The following GRM1 variants were observed in gnomAD, a reference collection of about 807,000 sequenced individuals.
GRM1 encodes metabotropic glutamate receptor 1.
Under a neutral mutation model 90.9 loss-of-function variants are expected in GRM1, and 33 were observed. The ratio of observed to expected loss-of-function variants is 0.36; its 90% CI spans 0.28 to 0.49. The LOEUF is 0.49. Ranked by LOEUF, GRM1 falls within the 20% of genes least tolerant of loss-of-function variation. GRM1 has a pLI of 0.99. For synonymous variants in GRM1, 700 were observed against 613.2 expected, an observed-to-expected ratio of 1.14 and a Z score of -2.09; for missense variants, 1,190 against 1,534.3, an observed-to-expected ratio of 0.78 and a Z score of 3.75.
At chr6:146,230,687 T>A (rs1190951656) in intron 2 of GRM1, among the ~76,000 whole-genome samples, 1 of 152,126 alleles carries the variant, frequency 6.6e-6, no homozygotes, top group Non-Finnish European at 1.5e-5. Flanking sequence ...GAGTTGAAAA[T>A]TTATATCCAC....
At chr6:146,366,022 C>T (rs1236997745) in intron 5 of GRM1, among the ~76,000 whole-genome samples, 2 of 152,066 alleles carry the variant, frequency 1.3e-5, no homozygotes, top group African/African-American at 2.4e-5. Context: ...TTTCCAAAGC[C>T]TTTTTTTGTA....
chr6:146,147,402 G>A (rs938625487), intron 1 of GRM1, among the ~76,000 whole-genome samples: 5 of 152,144 alleles, frequency 3.3e-5, no homozygotes, highest in Admixed American at 1.3e-4. Context: ...ATAAGGCGAC[G>A]AAGTTGTGGT....
At chr6:146,116,784 G>A (rs970879368) in intron 1 of GRM1, among the ~76,000 whole-genome samples, 1 of 151,906 alleles carries the variant, frequency 6.6e-6, no homozygotes, top group African/African-American at 2.4e-5. Context: ...GTGATCTGTG[G>A]TCACTAATCT....
At chr6:146,068,192 C>T (rs1249732024) in intron 1 of GRM1, among the ~76,000 whole-genome samples, 3 of 151,452 alleles carry the variant, frequency 2.0e-5, no homozygotes, top group Non-Finnish European at 4.4e-5. Flanking sequence ...GCTCACTCTG[C>T]AAGCTCCACC....
At chr6:146,145,796 G>A (rs1308519819) in intron 1 of GRM1, among the ~76,000 whole-genome samples, 1 of 152,140 alleles carries the variant, frequency 6.6e-6, no homozygotes, top group Admixed American at 6.5e-5. Flanking sequence ...CCATGAGAGT[G>A]GGACTGCCAC....
At chr6:146,198,230 T>A (rs183237775) in intron 2 of GRM1, among the ~76,000 whole-genome samples, 1 of 152,210 alleles carries the variant, frequency 6.6e-6, no homozygotes, top group African/African-American at 2.4e-5. Context: ...ACATCCAGCA[T>A]AGCAGCTGAG....
At chr6:146,215,692 G>A (rs1779846107) in intron 2 of GRM1, among the ~76,000 whole-genome samples, 2 of 151,070 alleles carry the variant, frequency 1.3e-5, no homozygotes, top group Non-Finnish European at 2.9e-5. Context: ...TTATTTCACA[G>A]CACATGCCTG....
At chr6:146,060,698 C>A (rs554312668) in intron 1 of GRM1, among the ~76,000 whole-genome samples, 1 of 152,164 alleles carries the variant, frequency 6.6e-6, no homozygotes, top group South Asian at 2.1e-4. Context: ...GTGAATAGAA[C>A]TGTAATAAAC....
chr6:146,341,467 G>A (rs1784978442), intron 3 of GRM1, among the ~76,000 whole-genome samples: 1 of 152,098 alleles, frequency 6.6e-6, no homozygotes, highest in South Asian at 2.1e-4. Context: ...AATAAGTGTA[G>A]ACAAATAAGC....
intron 2 of GRM1, among the ~76,000 whole-genome samples, chr6:146,242,977 C>T (rs1360572277): frequency 2.0e-5 from 3 of 152,136 alleles, no homozygotes; most frequent in East Asian, 3.9e-4. Context: ...AAGCTATAAC[C>T]CATGTACTTC....
At chr6:146,147,825 A>G (rs1668240044) in intron 1 of GRM1, among the ~76,000 whole-genome samples, 1 of 152,192 alleles carries the variant, frequency 6.6e-6, no homozygotes. Flanking sequence ...GCAGAGGCTC[A>G]TAGATCAATA....
At chr6:146,234,408 T>G (rs1780560704) in intron 2 of GRM1, among the ~76,000 whole-genome samples, 1 of 152,080 alleles carries the variant, frequency 6.6e-6, no homozygotes. Context: ...TTTCTATTTC[T>G]CTTATTTCTT....
intron 1 of GRM1, among the ~76,000 whole-genome samples, chr6:146,118,091 A>T (rs1255654913): frequency 6.7e-6 from 1 of 149,372 alleles, no homozygotes; most frequent in Non-Finnish European, 1.5e-5. Flanking sequence ...GTCTTTATAT[A>T]TCTGACATAC....
upstream of GRM1, among the ~76,000 whole-genome samples, chr6:146,028,329 G>C (rs981524782): frequency 1.3e-5 from 2 of 151,458 alleles, no homozygotes; most frequent in African/African-American, 4.9e-5. Flanking sequence ...GCGGGTCAGG[G>C]AATTGCAACT....
chr6:146,398,083 T>A (rs936496894), intron 6 of GRM1, among the ~76,000 whole-genome samples: 2 of 152,210 alleles, frequency 1.3e-5, no homozygotes, highest in African/African-American at 4.8e-5. Flanking sequence ...CAAATTCTAG[T>A]CTTTCCTTTC....
intron 1 of GRM1, among the ~76,000 whole-genome samples, chr6:146,047,766 T>C (rs955911945): frequency 7.9e-5 from 12 of 152,038 alleles, no homozygotes; most frequent in African/African-American, 2.9e-4. Flanking sequence ...GTGGAGAATT[T>C]AGTTTGAAAC....
rs932054515 is a variant in GRM1, at chr6:146,357,646, A to T, written c.1554A>T (p.Gly518=). ...DDYKIQMNKS[G]VVRSVCSEPC... is the part of the protein sequence containing the mutation. Reference sequence around the variant, plus strand: ...ACAAAATCCAGATGAACAAGAGTGGAGTGGTGCGGTCTGTGTGCAGTGAGC... The same window carrying T: ...ACAAAATCCAGATGAACAAGAGTGGTGTGGTGCGGTCTGTGTGCAGTGAGC... The change falls in exon 5 of 8, where the codon GGA becomes GGT. Residue 518 remains glycine, a synonymous_variant. Coordinates refer to ENST00000282753, the MANE Select transcript of GRM1 (RefSeq NM_001278064.2). The T allele has an allele frequency of 1.2e-6, 2 of 1,613,928 alleles. No homozygotes were observed. Among genetic ancestry groups the T allele is most frequent in the Non-Finnish European group, 1.7e-6 (2 of 1,179,916 alleles).
At chr6:146,138,436 A>G (rs1776709606) in intron 1 of GRM1, among the ~76,000 whole-genome samples, 1 of 152,004 alleles carries the variant, frequency 6.6e-6, no homozygotes, top group Non-Finnish European at 1.5e-5. Flanking sequence ...ATTTTTTGTA[A>G]TAGTTTGAGT....
At chr6:146,404,985 TA>T (rs2114605025) in intron 7 of GRM1, among the ~76,000 whole-genome samples, 1 of 152,302 alleles carries the variant, frequency 6.6e-6, no homozygotes, top group Non-Finnish European at 1.5e-5. Context: ...CTTAATTCAC[TA>T]GACTTGAAAT....
Sources: gnomAD v4.1 joint callset for allele counts (sites outside exome capture counted in the v4.1 genomes callset) on GRCh38, gnomAD v4.1.1 for gene constraint, MANE v1.5 for transcripts, NCBI Gene and HGNC (gene_info 2026-07-23, HGNC 2026-07-21) for gene names.